Variants in PHKA2 observed in about 807,000 individuals in gnomAD.
The protein encoded by PHKA2 is phosphorylase kinase regulatory subunit alpha 2.
Under a neutral mutation model 102.0 loss-of-function variants are expected in PHKA2, and 31 were observed. The ratio of observed to expected loss-of-function variants is 0.30; its 90% CI spans 0.23 to 0.41. The LOEUF is 0.41. Among genes scored for constraint, PHKA2 ranks in the 10% least tolerant of loss-of-function variants. The pLI is 1.00. For synonymous variants in PHKA2, 455 were observed against 416.2 expected (o/e 1.09, Z -1.13); for missense variants, 858 against 1,023.1 (o/e 0.84, Z 2.20).
chrX:18,981,678 C>G (rs1379998839), intron 1 of PHKA2, among the ~76,000 whole-genome samples: 2 of 111,138 alleles, frequency 1.8e-5, no homozygotes, highest in Non-Finnish European at 3.8e-5. Context: ...GGAGCTGTAG[C>G]AGGACCTTCA....
intron 13 of PHKA2, among the ~76,000 whole-genome samples, chrX:18,927,461 G>C (rs746691075): frequency 1.8e-5 from 2 of 112,108 alleles, no homozygotes; most frequent in South Asian, 7.4e-4. Flanking sequence ...GTCCAGCTGC[G>C]GCCGAGCCCC....
At chrX:18,938,014 C>T (rs894692298) in intron 10 of PHKA2, among the ~76,000 whole-genome samples, 1 of 112,378 alleles carries the variant, frequency 8.9e-6, no homozygotes, top group Admixed American at 9.4e-5. Flanking sequence ...ATGGAATGTT[C>T]TTGCTAGACC....
intron 4 of PHKA2, 46 bp downstream of exon 4, chrX:18,951,058 C>T (rs200264982): frequency 1.1e-4 from 134 of 1,183,670 alleles, no homozygotes; most frequent in African/African-American, 9.5e-4. Context: ...ACCCCTTTTC[C>T]GGATTGTCAC....
intron 1 of PHKA2, among the ~76,000 whole-genome samples, chrX:18,959,228 GAATT>G (rs2048830085): frequency 8.9e-6 from 1 of 112,164 alleles, no homozygotes; most frequent in Non-Finnish European, 1.9e-5. Context: ...AAGATTAAAT[GAATT>G]AATTCGTATC....
intron 1 of PHKA2, among the ~76,000 whole-genome samples, chrX:18,981,248 G>T (rs1198696652): frequency 2.7e-5 from 3 of 111,177 alleles, no homozygotes; most frequent in Non-Finnish European, 5.7e-5. Context: ...ACTTGTGGGC[G>T]CATGGCATTT....
In PHKA2 at chrX:18,906,962, G is replaced by A. The variant is rs1025108007; in HGVS notation, c.2597+56C>T. On this transcript the variant is annotated intron_variant, in intron 23 of 32. Coordinates refer to ENST00000379942, the MANE Select transcript of PHKA2 (RefSeq NM_000292.3). ...GCCCCTCCTCCGAACACTGGGAAGC[G>A]CTGTTTTCCCCATGGCTCCCCCGCA... 1.4e-5 allele frequency: 15 copies of A among 1,050,928 alleles called. No individual in the cohort carries two copies. In the South Asian group the frequency reaches 1.7e-4, roughly 12 times the overall value. 86.6% of individuals were successfully genotyped at this position (1,050,928 alleles called of 1,213,427 possible). A position where few individuals can be genotyped will look rare whatever the true frequency, so the allele number is the denominator to read the frequency against.
intron 28 of PHKA2, 96 bp downstream of exon 28, chrX:18,900,574 C>G: frequency 2.4e-6 from 2 of 830,738 alleles, no homozygotes; most frequent in South Asian, 4.1e-5. Flanking sequence ...GAGCCGCCCT[C>G]TACACATTCA....
intron 12 of PHKA2, among the ~76,000 whole-genome samples, chrX:18,929,905 A>T (rs769754043): frequency 6.3e-5 from 7 of 111,665 alleles, no homozygotes; most frequent in Admixed American, 9.5e-5. Flanking sequence ...TCCCTCACCT[A>T]CCTTGTTTGG....
intron 18 of PHKA2, among the ~76,000 whole-genome samples, chrX:18,919,329 A>G (rs766938993): frequency 1.4e-4 from 16 of 111,592 alleles, no homozygotes; most frequent in Non-Finnish European, 2.8e-4. Flanking sequence ...CTCATATCCA[A>G]CCAAACCTAG....
chrX:18,948,376 A>T (rs2048621545), intron 5 of PHKA2, among the ~76,000 whole-genome samples: 1 of 111,525 alleles, frequency 9.0e-6, no homozygotes, highest in African/African-American at 3.3e-5. Flanking sequence ...CAGGAGGCTG[A>T]GACAGGAGAA....
intron 1 of PHKA2, among the ~76,000 whole-genome samples, chrX:18,961,519 A>G (rs1326622746): frequency 9.2e-6 from 1 of 108,847 alleles, no homozygotes; most frequent in African/African-American, 3.4e-5. Context: ...TTAGCCAGGC[A>G]TGGTGGTGCG....
intron 26 of PHKA2, among the ~76,000 whole-genome samples, chrX:18,904,257 G>A: frequency 8.9e-6 from 1 of 112,008 alleles, no homozygotes; most frequent in Non-Finnish European, 1.9e-5. Flanking sequence ...TACAAGAGGG[G>A]CTGTCTGGGG....
intron 29 of PHKA2, chrX:18,898,045 CGGGG>C (rs1389045987): frequency 8.9e-6 from 1 of 112,760 alleles, no homozygotes; most frequent in Non-Finnish European, 1.9e-5. Context: ...ATACATGACA[CGGGG>C]GAAGACAAAC....
intron 26 of PHKA2, among the ~76,000 whole-genome samples, chrX:18,903,776 C>T (rs1341190898): frequency 1.8e-5 from 2 of 112,138 alleles, no homozygotes; most frequent in African/African-American, 6.5e-5. Context: ...CTAGCCCCAC[C>T]ACCCACAAGC....
chrX:18,925,454 C>G (rs1490553248), intron 15 of PHKA2, among the ~76,000 whole-genome samples: 1 of 112,046 alleles, frequency 8.9e-6, no homozygotes, highest in African/African-American at 3.2e-5. Context: ...CTGAATTTCA[C>G]TAATATTCAT....
intron 30 of PHKA2, chrX:18,895,868 A>C (rs1318398261): frequency 8.7e-6 from 1 of 115,005 alleles, no homozygotes; most frequent in African/African-American, 3.2e-5. Context: ...TGAGGGCAGA[A>C]CAGCAGTGGA....
chrX:18,949,554 A>G (rs2048640887), intron 4 of PHKA2, among the ~76,000 whole-genome samples: 1 of 112,264 alleles, frequency 8.9e-6, no homozygotes, highest in Admixed American at 9.4e-5. Context: ...AGCAAAATAA[A>G]AGAAGGAAGG....
At chrX:18,896,421 C>T (rs150080044) in intron 30 of PHKA2, 2 of 112,777 alleles carry the variant, frequency 1.8e-5, no homozygotes, top group Non-Finnish European at 3.7e-5. Context: ...GCTGGGGAGA[C>T]GTGAACGGCC....
At chrX:18,900,351 G>A (rs1353436604) in intron 28 of PHKA2, among the ~76,000 whole-genome samples, 1 of 111,430 alleles carries the variant, frequency 9.0e-6, no homozygotes, top group Non-Finnish European at 1.9e-5. Context: ...TATAACCAAT[G>A]ACCGCATTTC....
Sources: allele counts gnomAD v4.1 joint callset (sites outside exome capture counted in the v4.1 genomes callset), GRCh38; gene constraint gnomAD v4.1.1; transcripts MANE v1.5; gene names NCBI Gene and HGNC (gene_info 2026-07-23, HGNC 2026-07-21).